SEPTIN8: variants seen among roughly 807,000 people sequenced by gnomAD.
SEPTIN8 encodes septin 8.
SEPTIN8 carries 22 observed loss-of-function variants against 53.1 expected under a neutral mutation model. That is an observed-to-expected ratio of 0.41 (90% confidence interval 0.30 to 0.59). SEPTIN8 has a LOEUF of 0.59. SEPTIN8 is among the 20% of genes least tolerant of loss of function. The pLI, the probability that SEPTIN8 is intolerant of heterozygous loss-of-function variation, is 0.24. For synonymous variants in SEPTIN8, 228 were observed against 248.4 expected (o/e 0.92, Z 0.77); for missense variants, 536 against 638.7 (o/e 0.84, Z 1.73).
At chr5:132,754,336 A>C (rs1755140956) in intron 9 of SEPTIN8, 1 of 707,712 alleles carries the variant, frequency 1.4e-6, no homozygotes, top group African/African-American at 1.7e-5. Context: ...GTGGCCGTTG[A>C]GTGCCCTCTG....
upstream of SEPTIN8, chr5:132,777,571 GC>G: frequency 1.0e-6 from 1 of 975,882 alleles, no homozygotes; most frequent in Non-Finnish European, 1.2e-6. The surrounding 1 kb of genome is among the most constrained non-coding windows in gnomAD (Gnocchi z 4.1). Flanking sequence ...GCGCTGGAAA[GC>G]CTTTCCCGTA....
intron 9 of SEPTIN8, chr5:132,757,070 T>G (rs987842223): frequency 1.0e-6 from 1 of 985,354 alleles, no homozygotes; most frequent in African/African-American, 1.7e-5. Context: ...ATACCCTCAC[T>G]GAAGCATCAG....
intron 5 of SEPTIN8, 137 bp downstream of exon 5, chr5:132,762,347 C>T: frequency 1.2e-6 from 1 of 835,722 alleles, no homozygotes; most frequent in Non-Finnish European, 1.9e-6. Flanking sequence ...CTGGCCAGCT[C>T]CAGATGCCCA....
At chr5:132,762,365 G>T in intron 5 of SEPTIN8, 119 bp downstream of exon 5, 1 of 1,015,030 alleles carries the variant, frequency 9.9e-7, no homozygotes, top group South Asian at 1.6e-5. Flanking sequence ...CCACCCTTCT[G>T]TCCTGGAGAA....
chr5:132,777,120 C>T lies in SEPTIN8; in HGVS notation c.18G>A (p.Leu6=), dbSNP rs1757879707. 7.7e-6 allele frequency: 9 copies of T among 1,166,988 alleles called. No homozygotes were observed. Among genetic ancestry groups the T allele is most frequent in the Non-Finnish European group, 8.5e-6 (8 of 946,136 alleles). 72.3% of individuals were successfully genotyped at this position (1,166,988 alleles called of 1,614,324 possible). MAATD[L]ERFSNAEPEP... is the part of the protein sequence containing the mutation. ...GCGGGGCCCTCACCGAGAAGCGCTC[C>T]AGGTCGGTGGCCGCCATGGCGAGCT... is the stretch of plus-strand genomic sequence containing the variant. Residue 6 remains leucine, a synonymous_variant, in exon 1 of 10, where the codon CTG becomes CTA. Coordinates refer to ENST00000378719, the MANE Select transcript of SEPTIN8 (RefSeq NM_001098811.2). The surrounding 1 kb of genome is among the most constrained non-coding windows in gnomAD (Gnocchi z 4.1).
chr5:132,763,962 G>T, intron 3 of SEPTIN8, 70 bp from the exon 4 acceptor site: 1 of 1,442,160 alleles, frequency 6.9e-7, no homozygotes, highest in African/African-American at 1.4e-5. Context: ...GGGGCTCAGG[G>T]CTCGGGGCCA....
intron 1 of SEPTIN8, among the ~76,000 whole-genome samples, chr5:132,768,732 T>A (rs888948921): frequency 1.3e-5 from 2 of 152,182 alleles, no homozygotes; most frequent in Non-Finnish European, 2.9e-5. Flanking sequence ...GTGACGCAGG[T>A]TGAGCCTTTA....
chr5:132,777,297 G>A, upstream of SEPTIN8: 3 of 1,094,816 alleles, frequency 2.7e-6, no homozygotes, highest in Non-Finnish European at 3.3e-6. This position sits in a 1 kb window ranked among gnomAD's most constrained non-coding sequence, Gnocchi z 4.1. Context: ...GGGAGAAGCC[G>A]CGGAGCCGCC....
upstream of SEPTIN8, chr5:132,777,837 C>T: frequency 1.0e-6 from 1 of 985,516 alleles, no homozygotes; most frequent in Non-Finnish European, 1.2e-6. The surrounding 1 kb of genome is among the most constrained non-coding windows in gnomAD (Gnocchi z 4.1). Context: ...GGGCAAGGGA[C>T]CAGCCTTCGG....
intron 1 of SEPTIN8, among the ~76,000 whole-genome samples, chr5:132,769,028 G>A (rs577223208): frequency 6.6e-6 from 1 of 152,302 alleles, no homozygotes; most frequent in Admixed American, 6.5e-5. Context: ...GGGACAGTGT[G>A]GAAGGTAAAA....
chr5:132,751,065 C>T lies in SEPTIN8; in HGVS notation c.*951G>A, dbSNP rs542007651. The T allele has an allele frequency of 3.2e-6, 5 of 1,572,272 alleles. No individual in the cohort carries two copies. Among genetic ancestry groups the T allele is most frequent in the Non-Finnish European group, 3.5e-6 (4 of 1,155,282 alleles). ...GTGCCTTTGGAACAGCTGTTTACAA[C>T]ATGGGATGGCAAAGCACAGGCGTGC... On this transcript the variant is annotated 3_prime_UTR_variant, in exon 10 of 10. Transcript: ENST00000378719.
intron 1 of SEPTIN8, chr5:132,775,741 C>T (rs1166751730): frequency 6.6e-6 from 1 of 152,230 alleles, no homozygotes; most frequent in Non-Finnish European, 1.5e-5. Context: ...TCACGGGTCT[C>T]TTGGCCTCCA....
At chr5:132,758,718 G>T in intron 9 of SEPTIN8, 1 of 1,610,030 alleles carries the variant, frequency 6.2e-7, no homozygotes. Context: ...CTCCCAGTCC[G>T]TCCTCACACC....
rs1456602329 is a variant in SEPTIN8, at chr5:132,777,177, A to C, written c.-40T>G. The C allele has an allele frequency of 2.9e-5, 34 of 1,164,474 alleles. No individual in the cohort carries two copies. Among genetic ancestry groups the C allele is most frequent in the Non-Finnish European group, 3.5e-5 (33 of 944,034 alleles). 72.1% of individuals were successfully genotyped at this position (1,164,474 alleles called of 1,614,324 possible). A position where few individuals can be genotyped will look rare whatever the true frequency, so the allele number is the denominator to read the frequency against. On this transcript the variant is annotated 5_prime_UTR_variant, in exon 1 of 10. Coordinates refer to ENST00000378719, the MANE Select transcript of SEPTIN8 (RefSeq NM_001098811.2). The surrounding 1 kb of genome is among the most constrained non-coding windows in gnomAD (Gnocchi z 4.1). ...CGGGCGGGTGGGCTGGGACGAGCGC[A>C]GGGGCAGCGACAGGGACCAGCCGGC...
At chr5:132,757,213 G>A (rs902363683) in intron 9 of SEPTIN8, 1 of 981,756 alleles carries the variant, frequency 1.0e-6, no homozygotes, top group African/African-American at 1.8e-5. Flanking sequence ...AATAATTCAA[G>A]CTTTCAGCCC....
chr5:132,761,064 C>T lies in SEPTIN8; in HGVS notation c.1095+69G>A. ...TTGAGCCTGGGCCAGGAAGGCACCCCCACCTCTACCCTCAGCCAGGCCTTC... is the reference window on the plus strand; with the variant it reads ...TTGAGCCTGGGCCAGGAAGGCACCCTCACCTCTACCCTCAGCCAGGCCTTC... On this transcript the variant is annotated intron_variant, in intron 8 of 9. Coordinates refer to ENST00000378719, the MANE Select transcript of SEPTIN8 (RefSeq NM_001098811.2). This position sits in a 1 kb window ranked among gnomAD's most constrained non-coding sequence, Gnocchi z 5.8. The T allele has an allele frequency of 6.2e-7, 1 of 1,606,958 alleles. No individual in the cohort carries two copies. The highest frequency in any genetic ancestry group is 8.5e-7 in the Non-Finnish European group (1 of 1,175,774).
rs1035430178 is a variant in SEPTIN8, at chr5:132,776,257, C to T, written c.30+851G>A. Among the ~76,000 whole-genome samples, 4 of 152,078 alleles carry T rather than the reference C, an allele frequency of 2.6e-5. No individual in the cohort carries two copies. The highest frequency in any genetic ancestry group is 5.9e-5 in the Non-Finnish European group (4 of 68,022). On this transcript the variant is annotated intron_variant, in intron 1 of 9. Transcript: ENST00000378719. This position sits in a 1 kb window ranked among gnomAD's most constrained non-coding sequence, Gnocchi z 4.4. ...GCTTCCTTCACTGTCACAGCCTAGC[C>T]TCCCAGACACACCCAGATCCAGCCT... is the stretch of plus-strand genomic sequence containing the variant.
rs1757285260 is a variant in SEPTIN8, at chr5:132,771,186, G to C, written c.31-5657C>G. On this transcript the variant is annotated intron_variant, in intron 1 of 9. Transcript: ENST00000378719. The stretch of plus-strand genomic sequence containing the variant: ...AGCTGTCCCTTTTACCATGAAACAA[G>C]GTGGGATCTGGGAAGAAACTGCATC... 2.6e-5 allele frequency among the ~76,000 whole-genome samples: 4 copies of C among 152,282 alleles called. No individual in the cohort carries two copies. In the Middle Eastern group the frequency reaches 0.014, roughly 518 times the overall value.
rs1379233213 is a variant in SEPTIN8 at position 132,773,651 on chromosome 5, C to T, written c.30+3457G>A. Among the ~76,000 whole-genome samples, 2 of 152,182 alleles carry T rather than the reference C, an allele frequency of 1.3e-5. No individual in the cohort carries two copies. Among genetic ancestry groups the T allele is most frequent in the African/African-American group, 4.8e-5 (2 of 41,460 alleles). On this transcript the variant is annotated intron_variant, in intron 1 of 9. Coordinates refer to ENST00000378719, the MANE Select transcript of SEPTIN8 (RefSeq NM_001098811.2). This position sits in a 1 kb window ranked among gnomAD's most constrained non-coding sequence, Gnocchi z 4.2. ...CTCAAAGCACCCACTGCCCTCCTTG[C>T]CATCCAAGGTTTTTGACACAAGTCA...
Sources: gnomAD v4.1 joint callset for allele counts (sites outside exome capture counted in the v4.1 genomes callset) on GRCh38, gnomAD v4.1.1 for gene constraint, Gnocchi (gnomAD v3.1) non-coding constraint, MANE v1.5 for transcripts, NCBI Gene and HGNC (gene_info 2026-07-23, HGNC 2026-07-21) for gene names.